Variants in SP3 observed in about 807,000 individuals in gnomAD.
SP3 encodes the protein Sp3 transcription factor, also known as transcription factor Sp3.
Under a neutral mutation model 70.3 loss-of-function variants are expected in SP3, and 10 were observed. The ratio of observed to expected loss-of-function variants is 0.14; its 90% CI spans 0.09 to 0.24. The LOEUF (loss-of-function observed/expected upper bound fraction) is 0.24, where lower values mean the gene tolerates loss of function less well. Among genes scored for constraint, SP3 ranks in the 10% least tolerant of loss-of-function variants. SP3 has a pLI of 1.00. For missense variants in SP3, 825 were observed against 914.6 expected, an observed-to-expected ratio of 0.90 and a Z score of 1.26; for synonymous variants, 402 against 333.5, an observed-to-expected ratio of 1.21 and a Z score of -2.24.
intron 4 of SP3, among the ~76,000 whole-genome samples, chr2:173,931,360 T>C (rs1017693306): frequency 6.6e-6 from 1 of 152,136 alleles, no homozygotes; most frequent in Non-Finnish European, 1.5e-5. Flanking sequence ...GTTGTTGTTT[T>C]TGAGATGGAG....
intron 4 of SP3, among the ~76,000 whole-genome samples, chr2:173,943,452 C>T (rs1290829909): frequency 6.6e-6 from 1 of 152,062 alleles, no homozygotes; most frequent in East Asian, 1.9e-4. Flanking sequence ...TTAAAATAAC[C>T]ACCATACTCC....
At chr2:173,914,507 A>G (rs999188625) in intron 5 of SP3, 1 of 152,232 alleles carries the variant, frequency 6.6e-6, no homozygotes. Flanking sequence ...TAAACGGTGC[A>G]GTGCTGGCTG....
chr2:173,939,645 G>C (rs1190502274), intron 4 of SP3, among the ~76,000 whole-genome samples: 1 of 151,118 alleles, frequency 6.6e-6, no homozygotes, highest in Admixed American at 6.6e-5. Flanking sequence ...TGGGCCTGTA[G>C]TCCCAGCTAC....
At position 173,904,222 on chromosome 2, in the gene SP3, C is replaced by T. The variant is rs1007138130; in HGVS notation, c.*5719G>A. On this transcript the variant is annotated 3_prime_UTR_variant, in exon 7 of 7. Coordinates refer to ENST00000310015, the MANE Select transcript of SP3 (RefSeq NM_003111.5). ...GGCCTGGTTCCTCACAGACCAGGGA[C>T]CAGGACCAGTCTGTGGCCCAGGTGG... Among the ~76,000 whole-genome samples, 1 of 152,080 alleles carries T rather than the reference C, an allele frequency of 6.6e-6. No individual in the cohort carries two copies. Among genetic ancestry groups the T allele is most frequent in the Non-Finnish European group, 1.5e-5 (1 of 67,990 alleles).
chr2:173,929,921 T>C (rs912619873), intron 4 of SP3, among the ~76,000 whole-genome samples: 3 of 152,236 alleles, frequency 2.0e-5, no homozygotes, highest in Admixed American at 2.0e-4. Flanking sequence ...TATTTGATTC[T>C]ATCCAATTCC....
rs1166925312 is a variant in SP3 at position 173,903,395 on chromosome 2, G to A, written c.*6546C>T. Among the ~76,000 whole-genome samples, 1 of 152,160 alleles carries A rather than the reference G, an allele frequency of 6.6e-6. No individual in the cohort carries two copies. The highest frequency in any genetic ancestry group is 1.5e-5 in the Non-Finnish European group (1 of 68,028). Reference sequence around the variant, plus strand: ...AGCGGCAGAACTGGGAGACAAGCAAGCCCATGTGTGTCTAAGTCCCAAACC... The same window carrying A: ...AGCGGCAGAACTGGGAGACAAGCAAACCCATGTGTGTCTAAGTCCCAAACC... On this transcript the variant is annotated 3_prime_UTR_variant, in exon 7 of 7. Transcript: ENST00000310015.
intron 4 of SP3, among the ~76,000 whole-genome samples, chr2:173,923,306 C>A (rs1181019715): frequency 6.6e-6 from 1 of 151,892 alleles, no homozygotes; most frequent in East Asian, 1.9e-4. Context: ...AAAAAAAATT[C>A]TGCATACCTG....
chr2:173,949,612 C>G (rs1462506059), intron 4 of SP3, among the ~76,000 whole-genome samples: 1 of 152,058 alleles, frequency 6.6e-6, no homozygotes, highest in Admixed American at 6.6e-5. Flanking sequence ...AGTAGGAGCC[C>G]ATAAGAGATC....
At chr2:173,937,631 A>T (rs568454491) in intron 4 of SP3, among the ~76,000 whole-genome samples, 1 of 152,362 alleles carries the variant, frequency 6.6e-6, no homozygotes, top group African/African-American at 2.4e-5. Flanking sequence ...GTTTAAAAAG[A>T]AGTTTTAAAA....
At chr2:173,924,081 TATA>T (rs1407954471) in intron 4 of SP3, among the ~76,000 whole-genome samples, 3 of 152,056 alleles carry the variant, frequency 2.0e-5, no homozygotes, top group African/African-American at 7.2e-5. Context: ...CCTTACCAAA[TATA>T]ATAATAATTT....
chr2:173,955,871 A>G lies in SP3; in HGVS notation c.641T>C (p.Leu214Ser). The change falls in exon 4 of 7, where the codon TTA becomes TCA. Residue 214 changes from leucine to serine, a missense_variant. Physicochemically the swap from Leu to Ser is moderately radical, Grantham distance 145. Around this residue, in one of 4 missense-constraint regions of SP3, gnomAD observed 678 missense variants for 651.6 expected, o/e 1.04. Coordinates refer to ENST00000310015, the MANE Select transcript of SP3 (RefSeq NM_003111.5). ...IQIIPGSNQT[L>S]LASGTPSANI... Reference sequence around the variant, plus strand: ...AGCAGAAGGTGTTCCAGAGGCAAGTAAGGTTTGATTAGAGCCAGGAATGAT... The same window carrying G: ...AGCAGAAGGTGTTCCAGAGGCAAGTGAGGTTTGATTAGAGCCAGGAATGAT... The G allele has an allele frequency of 6.2e-7, 1 of 1,614,232 alleles. No homozygotes were observed.
In SP3 at chr2:173,931,300, G is replaced by T. The variant is rs148649579; in HGVS notation, c.1640-12515C>A. Reference sequence around the variant, plus strand: ...TTCCAGCACTTTGGGATGCCAAGGCGAGCAGATCACTTGAGGTCAGGAGTT... The same window carrying T: ...TTCCAGCACTTTGGGATGCCAAGGCTAGCAGATCACTTGAGGTCAGGAGTT... On this transcript the variant is annotated intron_variant, in intron 4 of 6. Coordinates refer to ENST00000310015, the MANE Select transcript of SP3 (RefSeq NM_003111.5). Among the ~76,000 whole-genome samples the T allele has an allele frequency of 5.2e-3, 798 of 152,074 alleles. 2 individuals carry two copies. Among genetic ancestry groups the T allele is most frequent in the African/African-American group, 0.018 (762 of 41,460 alleles).
chr2:173,964,155 A>AC, intron 2 of SP3: 1 of 373,218 alleles, frequency 2.7e-6, no homozygotes, highest in Non-Finnish European at 4.7e-6. Context: ...CCCGGAACCC[A>AC]CCCCCGGGAG....
At chr2:173,963,724 C>T (rs1421381618) in intron 3 of SP3, 37 bp downstream of exon 3, 69 of 873,958 alleles carry the variant, frequency 7.9e-5, no homozygotes, top group Non-Finnish European at 9.4e-5. Flanking sequence ...TGGCGGGCGC[C>T]CGGCCTCGGC....
intron 3 of SP3, among the ~76,000 whole-genome samples, chr2:173,960,795 CCT>C (rs1463944059): frequency 2.6e-5 from 4 of 151,484 alleles, no homozygotes; most frequent in South Asian, 2.1e-4. Context: ...ACGGTGAAAC[CCT>C]GTCTCCACTA....
chr2:173,931,753 G>A (rs1419293590), intron 4 of SP3, among the ~76,000 whole-genome samples: 2 of 152,182 alleles, frequency 1.3e-5, no homozygotes, highest in African/African-American at 4.8e-5. Context: ...TATGGAAACA[G>A]TTTCTTTCCT....
intron 4 of SP3, among the ~76,000 whole-genome samples, chr2:173,940,107 C>T (rs568858034): frequency 6.6e-6 from 1 of 152,154 alleles, no homozygotes; most frequent in Admixed American, 6.5e-5. Context: ...AACTTCCTGG[C>T]TTCAAGCAAT....
chr2:173,910,540 AGTTT>A (rs1037898988), intron 6 of SP3, among the ~76,000 whole-genome samples: 5 of 152,176 alleles, frequency 3.3e-5, no homozygotes, highest in African/African-American at 4.8e-5. Context: ...CTACGCTAAG[AGTTT>A]GTTTGAAATA....
chr2:173,959,699 A>G (rs1259992461), intron 3 of SP3, among the ~76,000 whole-genome samples: 1 of 152,214 alleles, frequency 6.6e-6, no homozygotes, highest in Non-Finnish European at 1.5e-5. Flanking sequence ...GATTGCAGTG[A>G]GCCGAGATTC....
Sources: gnomAD v4.1 joint callset for allele counts (sites outside exome capture counted in the v4.1 genomes callset) on GRCh38, gnomAD v4.1.1 for gene constraint, gnomAD v4.1.1 regional missense constraint, MANE v1.5 for transcripts, NCBI Gene and HGNC (gene_info 2026-07-23, HGNC 2026-07-21) for gene names.